Variants in DPP10 observed in about 807,000 individuals in gnomAD.
DPP10 encodes dipeptidyl peptidase like 10.
A neutral mutation model predicts 120.9 loss-of-function variants in DPP10; 33 were observed. The observed-to-expected ratio is 0.27, with a 90% CI of 0.21 to 0.37. DPP10 has a LOEUF of 0.37. Ranked by LOEUF, DPP10 falls within the 10% of genes least tolerant of loss-of-function variation. DPP10 has a pLI of 1.00. For synonymous variants in DPP10, 337 were observed against 326.1 expected (o/e 1.03, Z -0.36); for missense variants, 816 against 942.8 (o/e 0.87, Z 1.76).
intron 1 of DPP10, among the ~76,000 whole-genome samples, chr2:115,076,022 A>G (rs752703103): frequency 3.9e-4 from 59 of 152,126 alleles, no homozygotes; most frequent in Non-Finnish European, 4.1e-4. Flanking sequence ...TGCTACACAC[A>G]GGATATGTTT....
At chr2:114,588,237 G>A (rs1470863257) in intron 1 of DPP10, among the ~76,000 whole-genome samples, 1 of 152,162 alleles carries the variant, frequency 6.6e-6, no homozygotes, top group Admixed American at 6.5e-5. Flanking sequence ...TATATACAAA[G>A]GCGTAACTCA....
At chr2:114,783,902 G>GT (rs1003499098) in intron 1 of DPP10, among the ~76,000 whole-genome samples, 2 of 151,992 alleles carry the variant, frequency 1.3e-5, no homozygotes, top group African/African-American at 4.8e-5. Flanking sequence ...GTAGTGATCA[G>GT]TTTTTCCCCT....
At chr2:115,653,589 T>C (rs2088001938) in intron 5 of DPP10, among the ~76,000 whole-genome samples, 1 of 151,962 alleles carries the variant, frequency 6.6e-6, no homozygotes, top group African/African-American at 2.4e-5. Context: ...ATAAATTCTA[T>C]CCACAATCAA....
In DPP10 at chr2:115,283,438, A is replaced by G. The variant is rs553462296; in HGVS notation, c.61-25801A>G. On this transcript the variant is annotated intron_variant, in intron 1 of 25. Transcript: ENST00000410059. ...TCTTCTCATACTAATTATTTTTACT[A>G]TGTTGATTATTTATTGTTTTATATT... Among the ~76,000 whole-genome samples, 26 of 152,082 alleles carry G rather than the reference A, an allele frequency of 1.7e-4. No homozygotes were observed. The East Asian group carries it at 4.3e-3, about 25-fold the overall frequency.
intron 1 of DPP10, among the ~76,000 whole-genome samples, chr2:115,258,128 C>G (rs1279030325): frequency 2.6e-5 from 4 of 152,132 alleles, no homozygotes; most frequent in Admixed American, 6.5e-5. Flanking sequence ...GAAACAAACA[C>G]ACTTTCAAGT....
At chr2:115,582,153 T>G (rs1310585243) in intron 5 of DPP10, among the ~76,000 whole-genome samples, 1 of 152,188 alleles carries the variant, frequency 6.6e-6, no homozygotes. Flanking sequence ...TATTGGTATG[T>G]TCCAAGGTTT....
chr2:115,012,338 G>A (rs185568894), intron 1 of DPP10, among the ~76,000 whole-genome samples: 15 of 152,204 alleles, frequency 9.9e-5, no homozygotes, highest in Non-Finnish European at 1.6e-4. Flanking sequence ...CAGATAATGG[G>A]CTCTTGAGAG....
At chr2:115,834,670 C>T (rs1489453881) in intron 21 of DPP10, among the ~76,000 whole-genome samples, 2 of 152,148 alleles carry the variant, frequency 1.3e-5, no homozygotes, top group East Asian at 3.9e-4. Flanking sequence ...TATCTGGGAA[C>T]ATTATTCATT....
intron 1 of DPP10, among the ~76,000 whole-genome samples, chr2:114,860,021 A>G (rs1296477579): frequency 6.6e-6 from 1 of 152,248 alleles, no homozygotes; most frequent in Non-Finnish European, 1.5e-5. Flanking sequence ...TCCTTAGACC[A>G]TACTTTGAGA....
At chr2:115,213,517 G>A (rs943285904) in intron 1 of DPP10, among the ~76,000 whole-genome samples, 59 of 151,926 alleles carry the variant, frequency 3.9e-4, no homozygotes, top group African/African-American at 1.1e-3. Flanking sequence ...GCTTACCTTC[G>A]CTCTTTTTAG....
chr2:115,115,849 G>A (rs1573669368), intron 1 of DPP10, among the ~76,000 whole-genome samples: 1 of 152,188 alleles, frequency 6.6e-6, no homozygotes, highest in South Asian at 2.1e-4. Context: ...AATTAGCACA[G>A]TGTTGTGAAA....
intron 1 of DPP10, among the ~76,000 whole-genome samples, chr2:114,779,652 C>T (rs141249378): frequency 4.3e-4 from 65 of 152,204 alleles, no homozygotes; most frequent in African/African-American, 1.4e-3. Flanking sequence ...CATGACCAGC[C>T]CTGACCTGTG....
chr2:115,546,418 G>A (rs1475276088), intron 5 of DPP10, among the ~76,000 whole-genome samples: 1 of 151,936 alleles, frequency 6.6e-6, no homozygotes, highest in Non-Finnish European at 1.5e-5. Context: ...AAAACCTATA[G>A]CTAATCAATG....
chr2:115,634,546 C>T (rs2086161693), intron 5 of DPP10, among the ~76,000 whole-genome samples: 1 of 152,160 alleles, frequency 6.6e-6, no homozygotes, highest in Non-Finnish European at 1.5e-5. Context: ...GAAGTGTCAC[C>T]AGTGGAGGCT....
intron 1 of DPP10, among the ~76,000 whole-genome samples, chr2:115,276,664 A>C (rs2059932587): frequency 6.6e-6 from 1 of 152,200 alleles, no homozygotes; most frequent in Non-Finnish European, 1.5e-5. Context: ...TTACTCTGAG[A>C]ATTTTGTAAG....
intron 8 of DPP10, among the ~76,000 whole-genome samples, chr2:115,729,381 G>A (rs1016586702): frequency 2.0e-5 from 3 of 152,176 alleles, no homozygotes; most frequent in Admixed American, 2.0e-4. Flanking sequence ...TTAATGCAGT[G>A]TGGTAAGTAG....
chr2:114,579,459 T>C (rs1469303010), intron 1 of DPP10, among the ~76,000 whole-genome samples: 5 of 152,172 alleles, frequency 3.3e-5, no homozygotes, highest in Non-Finnish European at 7.4e-5. Context: ...TTCTCCTGTA[T>C]AAAATAAAAA....
chr2:115,358,776 C>T (rs1238366193), intron 3 of DPP10, among the ~76,000 whole-genome samples: 3 of 152,146 alleles, frequency 2.0e-5, no homozygotes, highest in Non-Finnish European at 4.4e-5. Flanking sequence ...GGGAAGGCCT[C>T]AGGCAACTTA....
chr2:115,359,838 C>T (rs892663157), intron 3 of DPP10, among the ~76,000 whole-genome samples: 1 of 152,010 alleles, frequency 6.6e-6, no homozygotes, highest in African/African-American at 2.4e-5. Context: ...ATTTGTCTTA[C>T]TGAATTGGTT....
Sources: gnomAD v4.1 joint callset for allele counts (sites outside exome capture counted in the v4.1 genomes callset) on GRCh38, gnomAD v4.1.1 for gene constraint, MANE v1.5 for transcripts, NCBI Gene and HGNC (gene_info 2026-07-23, HGNC 2026-07-21) for gene names.